The following SGCE variants were observed in gnomAD, a reference collection of about 807,000 sequenced individuals.
SGCE encodes epsilon-sarcoglycan.
Under a neutral mutation model 57.8 loss-of-function variants are expected in SGCE, and 26 were observed. The ratio of observed to expected loss-of-function variants is 0.45; its 90% CI spans 0.33 to 0.62. The LOEUF is 0.62. Ranked by LOEUF, SGCE falls within the 20% of genes least tolerant of loss-of-function variation. The probability of loss-of-function intolerance (pLI) is 0.02; values close to 1 mark genes in which losing one functional copy is unlikely to be tolerated. For synonymous variants in SGCE, 183 were observed against 189.5 expected (o/e 0.97, Z 0.28); for missense variants, 468 against 548.6 (o/e 0.85, Z 1.47).
At chr7:94,640,081 G>A (rs1806156169) in intron 1 of SGCE, among the ~76,000 whole-genome samples, 1 of 152,028 alleles carries the variant, frequency 6.6e-6, no homozygotes, top group Non-Finnish European at 1.5e-5. Context: ...AGGGATAAAA[G>A]GAGAATCAAA....
At chr7:94,643,497 T>C (rs953064621) in intron 1 of SGCE, among the ~76,000 whole-genome samples, 1 of 152,166 alleles carries the variant, frequency 6.6e-6, no homozygotes, top group Admixed American at 6.6e-5. Flanking sequence ...AAAGTTTGTA[T>C]TGATCCAGAT....
intron 4 of SGCE, among the ~76,000 whole-genome samples, chr7:94,622,869 T>G (rs148248640): frequency 1.2e-3 from 186 of 152,298 alleles, no homozygotes; most frequent in Middle Eastern, 0.01. Flanking sequence ...TTATTTGTTT[T>G]CCAGAAACCC....
intron 5 of SGCE, among the ~76,000 whole-genome samples, chr7:94,615,417 GATAGATAA>G (rs879378059): frequency 0.014 from 1,727 of 127,746 alleles, 13 homozygotes; most frequent in Non-Finnish European, 0.02. Context: ...TAGATAGATA[GATAGATAA>G]AGGGCAATTC....
intron 7 of SGCE, 115 bp from the exon 8 acceptor site, chr7:94,599,838 A>ATGCAAC: frequency 1.2e-6 from 1 of 820,120 alleles, no homozygotes; most frequent in South Asian, 1.4e-5. Flanking sequence ...TCACTATTAA[A>ATGCAAC]TGCAACCAGG....
intron 1 of SGCE, among the ~76,000 whole-genome samples, chr7:94,655,586 C>G (rs1010210211): frequency 2.6e-5 from 4 of 152,122 alleles, no homozygotes; most frequent in African/African-American, 9.7e-5. Context: ...TGGCTCGCAT[C>G]GCGGTCGCAG....
At chr7:94,619,139 GA>G in intron 4 of SGCE, 183 bp from the exon 5 acceptor site, 1 of 599,928 alleles carries the variant, frequency 1.7e-6, no homozygotes, top group South Asian at 2.0e-5. Flanking sequence ...ACTGACATTA[GA>G]AACAGAACTT....
rs1400447841 is a variant in SGCE, at chr7:94,619,977, T to C, written c.464-1021A>G. On this transcript the variant is annotated intron_variant, in intron 4 of 10. Coordinates refer to ENST00000648936, the MANE Select transcript of SGCE (RefSeq NM_003919.3). ...AATGTTAGCTCTAATTATAATAATA[T>C]GAAAAGGTTGATTATCTGAATTTTT... 3.3e-5 allele frequency: 5 copies of C among 152,268 alleles called. No homozygotes were observed. In the East Asian group the frequency reaches 9.6e-4, roughly 29 times the overall value. 9.4% of individuals were successfully genotyped at this position (152,268 alleles called of 1,614,324 possible).
At chr7:94,620,181 AC>A (rs1802543862) in intron 4 of SGCE, 1 of 152,290 alleles carries the variant, frequency 6.6e-6, no homozygotes, top group African/African-American at 2.4e-5. Flanking sequence ...ATCTTGGTTA[AC>A]TTATTTCTTA....
At chr7:94,651,787 A>T (rs566817401) in intron 1 of SGCE, among the ~76,000 whole-genome samples, 1 of 152,300 alleles carries the variant, frequency 6.6e-6, no homozygotes, top group African/African-American at 2.4e-5. Context: ...TTATGAAGAG[A>T]GAATTTGGCT....
intron 1 of SGCE, among the ~76,000 whole-genome samples, chr7:94,653,691 TTA>T (rs1808195596): frequency 6.6e-6 from 1 of 152,034 alleles, no homozygotes; most frequent in African/African-American, 2.4e-5. Flanking sequence ...TCTAAATTAC[TTA>T]TATATTGATG....
rs928742628 is a variant in SGCE at position 94,639,352 on chromosome 7, C to T, written c.110-9511G>A. 23 of 1,530,650 alleles carry T rather than the reference C, an allele frequency of 1.5e-5. No individual in the cohort carries two copies. In the East Asian group the frequency reaches 3.4e-4, roughly 23 times the overall value. 94.8% of individuals were successfully genotyped at this position (1,530,650 alleles called of 1,614,324 possible). A position where few individuals can be genotyped will look rare whatever the true frequency, so the allele number is the denominator to read the frequency against. On this transcript the variant is annotated intron_variant, in intron 1 of 10. Coordinates refer to ENST00000648936, the MANE Select transcript of SGCE (RefSeq NM_003919.3). The stretch of plus-strand genomic sequence containing the variant: ...CAACCTAAACTCACCATCTTTCATC[C>T]CAGCAGCCATTTTTCTGCTGATAAT...
intron 5 of SGCE, among the ~76,000 whole-genome samples, chr7:94,605,666 T>G (rs1800003373): frequency 6.6e-6 from 1 of 151,628 alleles, no homozygotes; most frequent in Admixed American, 6.6e-5. Context: ...AAAAGACAGT[T>G]TAAAAAATAC....
chr7:94,641,391 G>A (rs559997056), intron 1 of SGCE, among the ~76,000 whole-genome samples: 50 of 152,316 alleles, frequency 3.3e-4, no homozygotes, highest in Non-Finnish European at 1.2e-4. Flanking sequence ...ATGATAGACT[G>A]AAGAGTAGCA....
intron 1 of SGCE, among the ~76,000 whole-genome samples, chr7:94,638,549 ATTTTGGTTGCT>A (rs1805924519): frequency 6.6e-6 from 1 of 151,924 alleles, no homozygotes; most frequent in Non-Finnish European, 1.5e-5. Flanking sequence ...TTTTATAGAC[ATTTTGGTTGCT>A]CCGAAGTTAG....
intron 1 of SGCE, among the ~76,000 whole-genome samples, chr7:94,645,666 G>C (rs990228718): frequency 6.6e-6 from 1 of 152,020 alleles, no homozygotes; most frequent in African/African-American, 2.4e-5. Flanking sequence ...TTTGTCCATT[G>C]GGCAAGCTAC....
chr7:94,606,868 G>C (rs954859383), intron 5 of SGCE, among the ~76,000 whole-genome samples: 1 of 152,232 alleles, frequency 6.6e-6, no homozygotes, highest in Middle Eastern at 3.4e-3. Context: ...ATTGCACATG[G>C]ATTAAAGGAG....
At chr7:94,596,365 C>T (rs1319233381) in intron 9 of SGCE, among the ~76,000 whole-genome samples, 2 of 152,082 alleles carry the variant, frequency 1.3e-5, no homozygotes, top group Non-Finnish European at 2.9e-5. Context: ...CCTTTTTCCG[C>T]TCTTAAATTT....
intron 9 of SGCE, among the ~76,000 whole-genome samples, chr7:94,596,529 A>C: frequency 6.6e-6 from 1 of 152,244 alleles, no homozygotes; most frequent in Admixed American, 6.5e-5. Flanking sequence ...ACCTATTCTG[A>C]CCTTTTCCTA....
At chr7:94,597,559 G>C (rs1798577596) in intron 9 of SGCE, 1 of 152,138 alleles carries the variant, frequency 6.6e-6, no homozygotes, top group South Asian at 2.1e-4. Flanking sequence ...GTATGAGAGA[G>C]AGAGAAAGAG....
Sources: gnomAD v4.1 joint callset for allele counts (sites outside exome capture counted in the v4.1 genomes callset) on GRCh38, gnomAD v4.1.1 for gene constraint, MANE v1.5 for transcripts, NCBI Gene and HGNC (gene_info 2026-07-23, HGNC 2026-07-21) for gene names.